The following LGALS9 variants were observed in gnomAD, a reference collection of about 807,000 sequenced individuals.
LGALS9 encodes galectin-9.
In LGALS9, 26 loss-of-function variants were observed where a neutral mutation model predicts 35.9. That is an observed-to-expected ratio of 0.72 (90% confidence interval 0.53 to 1.01). The LOEUF (loss-of-function observed/expected upper bound fraction) is 1.01, where lower values mean the gene tolerates loss of function less well. Among genes scored for constraint, LGALS9 ranks in the 50% least tolerant of loss-of-function variants. The probability of loss-of-function intolerance (pLI) is 0.00; values close to 1 mark genes in which losing one functional copy is unlikely to be tolerated. For synonymous variants in LGALS9, 149 were observed against 172.2 expected (o/e 0.87, Z 1.06); for missense variants, 347 against 445.8 (o/e 0.78, Z 1.99).
chr17:27,638,972 C>T (rs1053284508), intron 2 of LGALS9, among the ~76,000 whole-genome samples: 7 of 152,262 alleles, frequency 4.6e-5, no homozygotes, highest in African/African-American at 7.2e-5. Context: ...GCACCCCGAC[C>T]GGGTGGCACA....
At chr17:27,632,935 T>C (rs2074407111) in intron 1 of LGALS9, among the ~76,000 whole-genome samples, 1 of 152,160 alleles carries the variant, frequency 6.6e-6, no homozygotes, top group Non-Finnish European at 1.5e-5. Context: ...TTCGCTGTCC[T>C]GCTGAGGAGG....
At chr17:27,637,801 G>T (rs202151741) in intron 1 of LGALS9, among the ~76,000 whole-genome samples, 7 of 152,236 alleles carry the variant, frequency 4.6e-5, no homozygotes, top group African/African-American at 1.4e-4. Context: ...GGGTCCCTTT[G>T]GTCCCTTGGG....
At chr17:27,643,669 A>C (rs1449190047) in intron 5 of LGALS9, 49 bp downstream of exon 5, 1 of 1,546,302 alleles carries the variant, frequency 6.5e-7, no homozygotes, top group Non-Finnish European at 8.7e-7. Context: ...AGTAGGAAGG[A>C]CCGAGGGTCT....
rs1384162408 is a variant in LGALS9 at position 27,642,221 on chromosome 17, G to A, written c.334-17G>A. The A allele has an allele frequency of 1.0e-4, 158 of 1,567,432 alleles. No homozygotes were observed. In the African/African-American group the frequency reaches 1.4e-3, roughly 14 times the overall value. ...GCCTGGGATGCCTCCCCCAGAACAT[G>A]TGCTCTCCTCTGGCAGGTGATGGTG... On this transcript the variant is annotated splice_polypyrimidine_tract_variant and intron_variant, in intron 3 of 10. Transcript: ENST00000395473.
In LGALS9 at chr17:27,647,279, C is replaced by G. The variant is rs1905023974; in HGVS notation, c.768C>G (p.Ile256Met). The change falls in exon 10 of 11, where the codon ATC (isoleucine) becomes ATG (methionine). Residue 256 changes from isoleucine to methionine, a missense_variant. Transcript: ENST00000395473. ...GGGCTGCCCACCCCAGGTTCCACAT[C>G]AACCTGTGCTCTGGGAACCACATCG... ...TVLPSAQRFH[I>M]NLCSGNHIAF... is the part of the protein sequence containing the mutation. 2 of 1,613,936 alleles carry G rather than the reference C, an allele frequency of 1.2e-6. No homozygotes were observed. Among genetic ancestry groups the G allele is most frequent in the Admixed American group, 3.3e-5 (2 of 59,996 alleles).
intron 1 of LGALS9, among the ~76,000 whole-genome samples, chr17:27,635,032 T>G (rs1267857697): frequency 6.6e-6 from 1 of 152,256 alleles, no homozygotes; most frequent in Non-Finnish European, 1.5e-5. Flanking sequence ...GGAAATACCC[T>G]AATTTATTTC....
At position 27,649,466 on chromosome 17, in the gene LGALS9, C is replaced by T; in HGVS notation, c.*484C>T. The stretch of plus-strand genomic sequence containing the variant: ...AGCAGGCCTGATGGCTTCCCACTGG[C>T]CTCCACCACCTGACCAGAGTGTTCT... On this transcript the variant is annotated 3_prime_UTR_variant, in exon 11 of 11. Transcript: ENST00000395473. 5.0e-6 allele frequency: 1 copy of T among 198,384 alleles called. No individual in the cohort carries two copies. Among genetic ancestry groups the T allele is most frequent in the South Asian group, 1.0e-4 (1 of 10,010 alleles). The allele number at this position is 198,384 out of a possible 1,614,324, so 12.3% of individuals were successfully genotyped here. A position where few individuals can be genotyped will look rare whatever the true frequency, so the allele number is the denominator to read the frequency against.
At position 27,636,598 on chromosome 17, in the gene LGALS9, T is replaced by G. The variant is rs115724042; in HGVS notation, c.40-1665T>G. 5.6e-3 allele frequency among the ~76,000 whole-genome samples: 848 copies of G among 152,138 alleles called. 9 individuals are homozygous for G. Among genetic ancestry groups the G allele is most frequent in the African/African-American group, 0.019 (798 of 41,490 alleles). On this transcript the variant is annotated intron_variant, in intron 1 of 10. Transcript: ENST00000395473. ...GATCCTCCCACCTCAGCCTCCCAAG[T>G]AACTAGAGTTAAAGGTGTGCACCAC...
chr17:27,643,416 A>G, intron 4 of LGALS9, 109 bp from the exon 5 acceptor site: 1 of 1,535,156 alleles, frequency 6.5e-7, no homozygotes, highest in African/African-American at 1.4e-5. Context: ...CCCTTGCCTC[A>G]TCGCCCTGCC....
chr17:27,635,592 G>T (rs144733386), intron 1 of LGALS9, among the ~76,000 whole-genome samples: 10 of 151,918 alleles, frequency 6.6e-5, no homozygotes, highest in Non-Finnish European at 1.5e-4. Flanking sequence ...GTCCTGTCCC[G>T]CCCCCATGAT....
chr17:27,647,307 T>A lies in LGALS9; in HGVS notation c.796T>A (p.Phe266Ile), dbSNP rs754064059. The part of the protein sequence containing the change: ...INLCSGNHIA[F>I]HLNPRFDENA... ...CCTGTGCTCTGGGAACCACATCGCC[T>A]TCCACCTGAACCCCCGTTTTGATGA... Residue 266 changes from phenylalanine to isoleucine, a missense_variant, in exon 10 of 11, where the codon TTC (phenylalanine) becomes ATC (isoleucine). Physicochemically the swap from Phe to Ile is conservative, Grantham distance 21. Transcript: ENST00000395473. The A allele has an allele frequency of 6.2e-7, 1 of 1,614,162 alleles. No individual in the cohort carries two copies. The highest frequency in any genetic ancestry group is 1.1e-5 in the South Asian group (1 of 91,084).
intron 4 of LGALS9, 97 bp from the exon 5 acceptor site, chr17:27,643,428 G>A (rs1317470563): frequency 1.5e-5 from 24 of 1,567,558 alleles, no homozygotes; most frequent in Non-Finnish European, 1.8e-5. Flanking sequence ...CGCCCTGCCT[G>A]CCTGGTCTCT....
intron 3 of LGALS9, chr17:27,640,989 TG>T (rs1448082860): frequency 1.3e-6 from 1 of 798,040 alleles, no homozygotes; most frequent in African/African-American, 1.7e-5. Context: ...TCTTTTACTC[TG>T]AAAATAAGAA....
intron 7 of LGALS9, 88 bp from the exon 8 acceptor site, chr17:27,646,459 G>A: frequency 1.3e-6 from 2 of 1,596,194 alleles, no homozygotes; most frequent in Non-Finnish European, 1.7e-6. Context: ...TCACAGTGGA[G>A]TCCTCTCTAG....
intron 1 of LGALS9, among the ~76,000 whole-genome samples, chr17:27,636,848 G>C (rs2074457636): frequency 6.6e-6 from 1 of 152,018 alleles, no homozygotes; most frequent in African/African-American, 2.4e-5. Flanking sequence ...AAAAAATCCG[G>C]ACTTCTGTCT....
At chr17:27,636,753 G>A (rs2074456273) in intron 1 of LGALS9, among the ~76,000 whole-genome samples, 2 of 152,124 alleles carry the variant, frequency 1.3e-5, no homozygotes, top group Middle Eastern at 3.4e-3. Flanking sequence ...GATTATAGAT[G>A]TGAGCCACTG....
intron 10 of LGALS9, 31 bp downstream of exon 10, chr17:27,647,463 G>C (rs752895125): frequency 6.2e-7 from 1 of 1,613,490 alleles, no homozygotes. Context: ...GCTTGGAGAG[G>C]CTCCCATGGG....
Position 27,647,032 on chromosome 17 carries a change from G to A in LGALS9, c.672G>A (p.Pro224=), listed in dbSNP as rs147578139. The A allele has an allele frequency of 2.3e-4, 371 of 1,613,910 alleles. 1 individual carries two copies. The highest frequency in any genetic ancestry group is 3.3e-4 in the Middle Eastern group (2 of 6,058). The change falls in exon 9 of 11, where the codon CCG becomes CCA. Residue 224 remains proline (P), a splice_region_variant and synonymous_variant. Transcript: ENST00000395473. The part of the protein sequence containing the change: ...PPMMYPHPAY[P]MPFITTILGG... Reference sequence around the variant, plus strand: ...ACCTGTCCCCCTTCTTCCGACAGCCGATGCCTTTCATCACCACCATTCTGG... The same window carrying A: ...ACCTGTCCCCCTTCTTCCGACAGCCAATGCCTTTCATCACCACCATTCTGG...
chr17:27,643,805 C>G (rs922880327), intron 5 of LGALS9, among the ~76,000 whole-genome samples, 185 bp downstream of exon 5: 1 of 152,164 alleles, frequency 6.6e-6, no homozygotes, highest in Non-Finnish European at 1.5e-5. Context: ...CTGGATTCTT[C>G]ACTCCCTCTT....
Sources: allele counts gnomAD v4.1 joint callset (sites outside exome capture counted in the v4.1 genomes callset), GRCh38; gene constraint gnomAD v4.1.1; transcripts MANE v1.5; gene names NCBI Gene and HGNC (gene_info 2026-07-23, HGNC 2026-07-21).